MTHFS: variants seen among roughly 807,000 people sequenced by gnomAD.
The protein encoded by MTHFS is 5-formyltetrahydrofolate cyclo-ligase.
Under a neutral mutation model 12.7 loss-of-function variants are expected in MTHFS, and 7 were observed. That is an observed-to-expected ratio of 0.55 (90% confidence interval 0.31 to 1.03). The LOEUF (loss-of-function observed/expected upper bound fraction) is 1.03, where lower values mean the gene tolerates loss of function less well. Ranked by LOEUF, MTHFS falls within the 50% of genes least tolerant of loss-of-function variation. MTHFS has a pLI of 0.05. For synonymous variants in MTHFS, 100 were observed against 97.1 expected (o/e 1.03, Z -0.18); for missense variants, 252 against 258.1 (o/e 0.98, Z 0.16).
chr15:79,894,190 G>A (rs2034525476), intron 1 of MTHFS, among the ~76,000 whole-genome samples: 2 of 152,152 alleles, frequency 1.3e-5, no homozygotes. Flanking sequence ...AGACCACCCT[G>A]GCCAACATGG....
intron 2 of MTHFS, among the ~76,000 whole-genome samples, chr15:79,849,859 C>A (rs138699399): frequency 6.6e-6 from 1 of 152,332 alleles, no homozygotes; most frequent in African/African-American, 2.4e-5. Flanking sequence ...TCTTGCATTC[C>A]AAAACTACAA....
At chr15:79,845,512 G>A in intron 2 of MTHFS, 70 bp from the exon 3 acceptor site, 1 of 1,539,814 alleles carries the variant, frequency 6.5e-7, no homozygotes, top group Non-Finnish European at 8.8e-7. Flanking sequence ...TGTGTTTTTT[G>A]TTTTGTAATG....
At chr15:79,882,968 G>A (rs1049156032) in intron 2 of MTHFS, among the ~76,000 whole-genome samples, 4 of 152,250 alleles carry the variant, frequency 2.6e-5, no homozygotes, top group Non-Finnish European at 4.4e-5. Flanking sequence ...CACTCTGGGA[G>A]GCCAAGCCAG....
chr15:79,896,728 CGGGAGGGGAAACGTGCGCGCGCCG>C, intron 1 of MTHFS, 120 bp downstream of exon 1: 3 of 942,854 alleles, frequency 3.2e-6, no homozygotes, highest in Non-Finnish European at 4.1e-6. Flanking sequence ...GTGCGCGCGC[CGGGAGGGGAAACGTGCGCGCGCCG>C]GGGGGTGGGG....
At chr15:79,865,750 C>T (rs889679163) in intron 2 of MTHFS, among the ~76,000 whole-genome samples, 1 of 152,086 alleles carries the variant, frequency 6.6e-6, no homozygotes, top group Non-Finnish European at 1.5e-5. Flanking sequence ...AAATACTGGG[C>T]TATGCTGACA....
intron 2 of MTHFS, among the ~76,000 whole-genome samples, chr15:79,871,477 C>T (rs1045474803): frequency 3.3e-5 from 5 of 151,384 alleles, no homozygotes; most frequent in Non-Finnish European, 5.9e-5. Flanking sequence ...CAATCATAAG[C>T]TATTTACAGA....
chr15:79,897,233 G>T (rs1373125727), upstream of MTHFS: 4 of 457,430 alleles, frequency 8.7e-6, no homozygotes, highest in Non-Finnish European at 1.5e-5. Flanking sequence ...GGTTAGGGGA[G>T]CGGTGGCGAG....
chr15:79,858,521 A>C (rs898603274), intron 2 of MTHFS, among the ~76,000 whole-genome samples: 1 of 152,200 alleles, frequency 6.6e-6, no homozygotes, highest in African/African-American at 2.4e-5. Context: ...CTGTTCTCTT[A>C]TCTACAAAAT....
At chr15:79,853,348 T>C (rs969233865) in intron 2 of MTHFS, among the ~76,000 whole-genome samples, 4 of 152,218 alleles carry the variant, frequency 2.6e-5, no homozygotes, top group Admixed American at 1.3e-4. Context: ...ACAGCAGTTA[T>C]CTGTGCAGGC....
chr15:79,879,674 T>C (rs915866418), intron 2 of MTHFS, among the ~76,000 whole-genome samples: 3 of 152,214 alleles, frequency 2.0e-5, no homozygotes, highest in African/African-American at 7.2e-5. Flanking sequence ...AGGCCTGTAA[T>C]AGATGCATGC....
chr15:79,864,022 T>G (rs528761110), intron 2 of MTHFS, among the ~76,000 whole-genome samples: 6 of 152,220 alleles, frequency 3.9e-5, no homozygotes, highest in Non-Finnish European at 4.4e-5. Context: ...ACAAACAGCA[T>G]GCCTTCGGGG....
intron 1 of MTHFS, among the ~76,000 whole-genome samples, chr15:79,893,429 T>C (rs544156204): frequency 6.7e-6 from 1 of 150,318 alleles, no homozygotes; most frequent in South Asian, 2.1e-4. Flanking sequence ...CTAGGCGCGG[T>C]GGCTCACGCC....
intron 2 of MTHFS, among the ~76,000 whole-genome samples, chr15:79,869,667 C>T (rs1165886120): frequency 6.6e-6 from 1 of 152,158 alleles, no homozygotes; most frequent in East Asian, 1.9e-4. Context: ...TTCCTGGGCT[C>T]AAATGATCCT....
intron 2 of MTHFS, among the ~76,000 whole-genome samples, chr15:79,866,464 G>T (rs2034012564): frequency 6.6e-6 from 1 of 152,112 alleles, no homozygotes; most frequent in Admixed American, 6.6e-5. Context: ...TAGGATCTGG[G>T]CACAACCCCC....
upstream of MTHFS, chr15:79,897,158 T>G (rs1196765683): frequency 1.6e-5 from 9 of 567,252 alleles, no homozygotes; most frequent in South Asian, 3.3e-5. Context: ...GCCGCGCGCT[T>G]ACCTCGCCTC....
intron 2 of MTHFS, among the ~76,000 whole-genome samples, chr15:79,871,147 AAAAAG>A (rs944665033): frequency 2.0e-5 from 3 of 152,228 alleles, no homozygotes; most frequent in Non-Finnish European, 2.9e-5. Flanking sequence ...TGTCTCAAAA[AAAAAG>A]AAAAGAAAAG....
chr15:79,862,260 C>A (rs564708902), intron 2 of MTHFS, among the ~76,000 whole-genome samples: 2 of 152,128 alleles, frequency 1.3e-5, no homozygotes, highest in African/African-American at 4.8e-5. Flanking sequence ...CCCCAAAAAA[C>A]TAACTAACAC....
chr15:79,847,589 C>T (rs1264670602), intron 2 of MTHFS, among the ~76,000 whole-genome samples: 1 of 141,944 alleles, frequency 7.0e-6, no homozygotes, highest in African/African-American at 2.6e-5. Flanking sequence ...GAGGCTGAGA[C>T]AGGAGAATGG....
At chr15:79,879,359 A>C (rs944036428) in intron 2 of MTHFS, among the ~76,000 whole-genome samples, 1 of 111,558 alleles carries the variant, frequency 9.0e-6, no homozygotes, top group African/African-American at 3.7e-5. Context: ...TCAGAGTCTC[A>C]CTCTGTCCCC....
Sources: allele counts gnomAD v4.1 joint callset (sites outside exome capture counted in the v4.1 genomes callset), GRCh38; gene constraint gnomAD v4.1.1; transcripts MANE v1.5; gene names NCBI Gene and HGNC (gene_info 2026-07-23, HGNC 2026-07-21).